The following ARHGEF4 variants were observed in gnomAD, a reference collection of about 807,000 sequenced individuals.
ARHGEF4 encodes the protein Rho guanine nucleotide exchange factor 4.
ARHGEF4 carries 119 observed loss-of-function variants against 162.0 expected under a neutral mutation model. The observed-to-expected ratio is 0.73, with a 90% CI of 0.63 to 0.86. The LOEUF (loss-of-function observed/expected upper bound fraction) is 0.86, where lower values mean the gene tolerates loss of function less well. Ranked by LOEUF, ARHGEF4 falls within the 40% of genes least tolerant of loss-of-function variation. The probability of loss-of-function intolerance (pLI) is 0.00; values close to 1 mark genes in which losing one functional copy is unlikely to be tolerated. For missense variants in ARHGEF4, 2,488 were observed against 2,456.0 expected, an observed-to-expected ratio of 1.01 and a Z score of -0.28; for synonymous variants, 1,014 against 979.9, an observed-to-expected ratio of 1.03 and a Z score of -0.65.
Position 130,867,242 on chromosome 2 carries a change from AT to A in ARHGEF4, c.39+30262del, listed in dbSNP as rs925137515. Among the ~76,000 whole-genome samples the A allele has an allele frequency of 8.7e-3, 1,236 of 142,398 alleles. 13 individuals carry two copies. The highest frequency in any genetic ancestry group is 0.031 in the African/African-American group (1,104 of 36,160). 93.4% of individuals were successfully genotyped at this position (142,398 alleles called of 152,430 possible). ...CTCCTTTTAATATATTATTATTATT[AT>A]TTTTTTTTTTTAATGAGACGGAGTC... On this transcript the variant is annotated intron_variant, in intron 1 of 13. Coordinates refer to ENST00000409359, the MANE Select transcript of ARHGEF4 (RefSeq NM_001367493.1).
At chr2:131,010,393 T>C (rs138721834) in intron 4 of ARHGEF4, among the ~76,000 whole-genome samples, 6 of 152,322 alleles carry the variant, frequency 3.9e-5, no homozygotes, top group African/African-American at 1.2e-4. Flanking sequence ...TTGTTGTGCT[T>C]TTTTCCCAGT....
At chr2:130,965,845 G>A (rs954608730) in intron 4 of ARHGEF4, among the ~76,000 whole-genome samples, 2 of 152,186 alleles carry the variant, frequency 1.3e-5, no homozygotes, top group Non-Finnish European at 2.9e-5. Flanking sequence ...TAACAGCGAT[G>A]CTTGCATGAA....
At chr2:130,894,536 G>A (rs935656964) in intron 1 of ARHGEF4, among the ~76,000 whole-genome samples, 6 of 152,184 alleles carry the variant, frequency 3.9e-5, no homozygotes, top group South Asian at 2.1e-4. Context: ...GTCCTGCCAC[G>A]GAGGCAGGAC....
At chr2:130,989,566 C>T (rs1388755876) in intron 4 of ARHGEF4, among the ~76,000 whole-genome samples, 1 of 152,182 alleles carries the variant, frequency 6.6e-6, no homozygotes, top group South Asian at 2.1e-4. Context: ...AGTGTCAAAA[C>T]GGAATAGGAA....
intron 1 of ARHGEF4, among the ~76,000 whole-genome samples, chr2:130,854,878 A>ATTTATTTG (rs1559002568): frequency 1.7e-5 from 2 of 120,934 alleles, no homozygotes; most frequent in African/African-American, 7.1e-5. Context: ...TTATTTATTT[A>ATTTATTTG]TTTATTTATT....
chr2:131,007,800 CTTTTT>C lies in ARHGEF4; in HGVS notation c.3986-20121_3986-20117del, dbSNP rs70994731. 2.0e-4 allele frequency among the ~76,000 whole-genome samples: 11 copies of C among 55,910 alleles called. No homozygotes were observed. The South Asian group carries it at 2.5e-3, about 13-fold the overall frequency. The allele number at this position is 55,910 out of a possible 152,430, so 36.7% of individuals were successfully genotyped here. A position where few individuals can be genotyped will look rare whatever the true frequency, so the allele number is the denominator to read the frequency against. ...TAAAGCTAAATTATTCTTTTCTTTT[CTTTTT>C]TTTTTTTTTTTTTTTTTTTTTTTGG... On this transcript the variant is annotated intron_variant, in intron 4 of 13. Transcript: ENST00000409359.
chr2:130,937,909 T>G (rs1289999766), intron 3 of ARHGEF4, among the ~76,000 whole-genome samples: 1 of 152,160 alleles, frequency 6.6e-6, no homozygotes, highest in East Asian at 1.9e-4. Context: ...CCTCGTGATC[T>G]GGCCGCCTCG....
intron 1 of ARHGEF4, among the ~76,000 whole-genome samples, chr2:130,896,883 G>A (rs6759753): frequency 0.091 from 13,813 of 152,116 alleles, 1,178 homozygotes; most frequent in African/African-American, 0.22. Flanking sequence ...TGGCAGCTGA[G>A]TCTGCATGGG....
intron 1 of ARHGEF4, among the ~76,000 whole-genome samples, chr2:130,908,239 T>G (rs1200054222): frequency 6.6e-6 from 1 of 152,232 alleles, no homozygotes; most frequent in Non-Finnish European, 1.5e-5. Flanking sequence ...CATTATTGAC[T>G]TGACTCTCAG....
At position 130,982,685 on chromosome 2, in the gene ARHGEF4, A is replaced by T. The variant is rs1179078532; in HGVS notation, c.3985+36050A>T. 2.0e-5 allele frequency among the ~76,000 whole-genome samples: 3 copies of T among 151,432 alleles called. No individual in the cohort carries two copies. In the East Asian group the frequency reaches 5.8e-4, roughly 29 times the overall value. On this transcript the variant is annotated intron_variant, in intron 4 of 13. Transcript: ENST00000409359. ...ACCATACAAGATTCTTTCTCATACA[A>T]AATTAGCTTTTCTTTATAACCTTCC...
chr2:131,029,919 C>A (rs1358115272), intron 5 of ARHGEF4, among the ~76,000 whole-genome samples: 1 of 152,076 alleles, frequency 6.6e-6, no homozygotes, highest in African/African-American at 2.4e-5. Flanking sequence ...AGCAGGGGGA[C>A]CCCGAGGGGG....
At chr2:130,837,433 G>C (rs376396319) in intron 1 of ARHGEF4, 7 of 330,716 alleles carry the variant, frequency 2.1e-5, no homozygotes, top group Non-Finnish European at 2.4e-5. Context: ...CGGTGGGTAC[G>C]GGAGAAGTGG....
At chr2:130,883,928 G>C (rs1050111417) in intron 1 of ARHGEF4, among the ~76,000 whole-genome samples, 1 of 152,222 alleles carries the variant, frequency 6.6e-6, no homozygotes, top group Middle Eastern at 3.4e-3. Context: ...TATCTTTTCA[G>C]GGTACTTGAG....
chr2:130,935,643 T>C (rs1320830291), intron 3 of ARHGEF4, among the ~76,000 whole-genome samples: 2 of 152,248 alleles, frequency 1.3e-5, no homozygotes, highest in Non-Finnish European at 2.9e-5. Flanking sequence ...AATCTTATGA[T>C]TTCTTCTTTG....
chr2:130,887,812 G>C (rs778770478), intron 1 of ARHGEF4, among the ~76,000 whole-genome samples: 1 of 152,106 alleles, frequency 6.6e-6, no homozygotes, highest in African/African-American at 2.4e-5. Context: ...CCAGGACGGC[G>C]TCCTTTGCCT....
intron 3 of ARHGEF4, among the ~76,000 whole-genome samples, chr2:130,942,033 AG>A (rs1437154848): frequency 3.9e-5 from 6 of 152,180 alleles, no homozygotes; most frequent in Admixed American, 1.3e-4. Context: ...TGATTGTAAA[AG>A]GTTTGGAGGC....
At chr2:130,952,643 T>C (rs1684028182) in intron 4 of ARHGEF4, among the ~76,000 whole-genome samples, 1 of 152,210 alleles carries the variant, frequency 6.6e-6, no homozygotes, top group African/African-American at 2.4e-5. Context: ...GCAAATGACA[T>C]GATTGTATAT....
intron 4 of ARHGEF4, among the ~76,000 whole-genome samples, chr2:130,970,984 T>C (rs1291758624): frequency 1.3e-5 from 2 of 152,252 alleles, no homozygotes; most frequent in Non-Finnish European, 1.5e-5. Flanking sequence ...GAAATCTTTA[T>C]GTAACCTGAG....
intron 3 of ARHGEF4, among the ~76,000 whole-genome samples, chr2:130,939,152 G>A (rs1683132742): frequency 6.6e-6 from 1 of 152,152 alleles, no homozygotes; most frequent in Admixed American, 6.5e-5. Flanking sequence ...GAGAACATGT[G>A]GTATTTGGTT....
Sources: gnomAD v4.1 joint callset for allele counts (sites outside exome capture counted in the v4.1 genomes callset) on GRCh38, gnomAD v4.1.1 for gene constraint, MANE v1.5 for transcripts, NCBI Gene and HGNC (gene_info 2026-07-23, HGNC 2026-07-21) for gene names.